The following SLC12A1 variants were observed in gnomAD, a reference collection of about 807,000 sequenced individuals.
SLC12A1 encodes the protein solute carrier family 12 member 1.
SLC12A1 carries 89 observed loss-of-function variants against 130.4 expected under a neutral mutation model. The ratio of observed to expected loss-of-function variants is 0.68; its 90% CI spans 0.58 to 0.81. SLC12A1 has a LOEUF of 0.81. Among genes scored for constraint, SLC12A1 ranks in the 40% least tolerant of loss-of-function variants. SLC12A1 has a pLI of 0.00. For synonymous variants in SLC12A1, 499 were observed against 460.0 expected (o/e 1.08, Z -1.09); for missense variants, 1,310 against 1,336.4 (o/e 0.98, Z 0.31).
chr15:48,269,460 T>C (rs552637319), intron 18 of SLC12A1, among the ~76,000 whole-genome samples, 198 bp from the exon 19 acceptor site: 2 of 152,320 alleles, frequency 1.3e-5, no homozygotes, highest in African/African-American at 2.4e-5. Flanking sequence ...TAAAATCCAT[T>C]TATAGCTGGG....
At chr15:48,287,535 C>G (rs2195024) in intron 21 of SLC12A1, among the ~76,000 whole-genome samples, 1 of 152,268 alleles carries the variant, frequency 6.6e-6, no homozygotes, top group East Asian at 1.9e-4. Flanking sequence ...TAAACCAGAC[C>G]TGAATGGAAC....
chr15:48,269,759 C>T lies in SLC12A1; in HGVS notation c.2397C>T (p.Ile799=). The change falls in exon 19 of 27, where the codon ATC becomes ATT. Residue 799 remains isoleucine, a synonymous_variant. Transcript: ENST00000380993. Reference sequence around the variant, plus strand: ...CAGAGATTGAGAACTACGTGGGAATCATACAGTAAGTGATGGCTTTCAAGA... The same window carrying T: ...CAGAGATTGAGAACTACGTGGGAATTATACAGTAAGTGATGGCTTTCAAGA... The part of the protein sequence containing the change: ...PLTEIENYVG[I]IHDAFDFEIG... 1 of 1,569,438 alleles carries T rather than the reference C, an allele frequency of 6.4e-7. No individual in the cohort carries two copies. Among genetic ancestry groups the T allele is most frequent in the Non-Finnish European group, 8.8e-7 (1 of 1,139,918 alleles).
chr15:48,260,096 C>G (rs1468652799), intron 17 of SLC12A1, among the ~76,000 whole-genome samples: 1 of 151,934 alleles, frequency 6.6e-6, no homozygotes, highest in Non-Finnish European at 1.5e-5. Context: ...AAAACCCTCT[C>G]TCTACTAAAA....
At position 48,302,780 on chromosome 15, in the gene SLC12A1, A is replaced by G; in HGVS notation, c.3195A>G (p.Ile1065Met). Residue 1065 changes from isoleucine to methionine, a missense_variant, in exon 27 of 27, where the codon ATA becomes ATG. Physicochemically the swap from Ile to Met is conservative, Grantham distance 10 (BLOSUM62 1). Transcript: ENST00000380993. ...LSLPVARKGS[I>M]SDLLYMAWLE... The stretch of plus-strand genomic sequence containing the variant: ...TTCCCGTGGCAAGAAAGGGATCCAT[A>G]TCGGATTTGTTGTATATGGCTTGGT... 1 of 1,612,550 alleles carries G rather than the reference A, an allele frequency of 6.2e-7. No individual in the cohort carries two copies. The highest frequency in any genetic ancestry group is 8.5e-7 in the Non-Finnish European group (1 of 1,179,206).
chr15:48,227,447 T>A (rs922093056), intron 5 of SLC12A1: 25 of 433,160 alleles, frequency 5.8e-5, no homozygotes, highest in African/African-American at 5.0e-4. Flanking sequence ...GCAAAATATA[T>A]GGTTTCTTTG....
In SLC12A1 at chr15:48,221,289, T is replaced by C. The variant is rs563359780; in HGVS notation, c.628+293T>C. 4.4e-5 allele frequency: 31 copies of C among 700,156 alleles called. 1 individual carries two copies. The highest frequency in any genetic ancestry group is 4.4e-4 in the South Asian group (29 of 66,612). The allele number at this position is 700,156 out of a possible 1,614,324, so 43.4% of individuals were successfully genotyped here. On this transcript the variant is annotated intron_variant, in intron 4 of 26. Transcript: ENST00000380993. ...ATAATAGCATGTTAATTTTAGATAA[T>C]AATATTTGTATTGGGGGACATATTG... is the stretch of plus-strand genomic sequence containing the variant.
At chr15:48,265,297 TATA>T (rs1392835749) in intron 17 of SLC12A1, among the ~76,000 whole-genome samples, 1 of 152,242 alleles carries the variant, frequency 6.6e-6, no homozygotes, top group African/African-American at 2.4e-5. Flanking sequence ...TCTGGATTTT[TATA>T]ATACTAACAG....
chr15:48,283,563 T>C lies in SLC12A1; in HGVS notation c.2486-1543T>C, dbSNP rs569927555. On this transcript the variant is annotated intron_variant, in intron 20 of 26. Transcript: ENST00000380993. ...ATGCCACTCGCAAAAGATTAATTGC[T>C]AAGACCTGGAAAGGGGCCAGACAAT... 1.7e-4 allele frequency among the ~76,000 whole-genome samples: 26 copies of C among 152,348 alleles called. 2 individuals carry two copies. In the South Asian group the frequency reaches 5.2e-3, roughly 30 times the overall value.
At chr15:48,293,431 C>G (rs1367979094) in intron 24 of SLC12A1, among the ~76,000 whole-genome samples, 1 of 152,096 alleles carries the variant, frequency 6.6e-6, no homozygotes, top group East Asian at 1.9e-4. Flanking sequence ...GTGGGGCCTC[C>G]AAGAGGAATC....
intron 4 of SLC12A1, chr15:48,222,480 AT>A (rs2041228579): frequency 6.6e-6 from 1 of 151,824 alleles, no homozygotes; most frequent in South Asian, 2.1e-4. Flanking sequence ...AATTAATATT[AT>A]TTTAATAAAG....
intron 5 of SLC12A1, chr15:48,227,093 A>G: frequency 1.3e-6 from 2 of 1,552,108 alleles, no homozygotes; most frequent in Non-Finnish European, 1.7e-6. Context: ...TGGAGTCATC[A>G]TCATTGGCCT....
chr15:48,254,749 G>A (rs1294487514), intron 15 of SLC12A1, among the ~76,000 whole-genome samples: 2 of 151,514 alleles, frequency 1.3e-5, no homozygotes, highest in African/African-American at 2.4e-5. Flanking sequence ...GTGAAACTCC[G>A]TCTCTACTTA....
intron 15 of SLC12A1, among the ~76,000 whole-genome samples, chr15:48,254,180 T>G (rs544064041): frequency 6.6e-6 from 1 of 151,274 alleles, no homozygotes; most frequent in South Asian, 2.1e-4. Flanking sequence ...GCTTACCATA[T>G]TGCATCTGAT....
chr15:48,220,960 AT>A lies in SLC12A1; in HGVS notation c.594del (p.Arg199AlafsTer17). The A allele has an allele frequency of 6.2e-7, 1 of 1,613,954 alleles. No individual in the cohort carries two copies. The highest frequency in any genetic ancestry group is 2.2e-5 in the East Asian group (1 of 44,886). ...MLNIWGVMLFIRLSWIVGEAG... is the reference protein window; with the variant it reads ...MLNIWGVMLFXRLSWIVGEAG... Reference sequence around the variant, plus strand: ...GAACATCTGGGGAGTCATGCTCTTCATTCGCCTCTCCTGGATTGTTGGAGAA... The same window carrying A: ...GAACATCTGGGGAGTCATGCTCTTCATCGCCTCTCCTGGATTGTTGGAGAA... On this transcript the variant is annotated frameshift_variant, in exon 4 of 27. Transcript: ENST00000380993. LOFTEE classifies it high-confidence loss of function.
chr15:48,251,600 A>T lies in SLC12A1; in HGVS notation c.1787-15A>T, dbSNP rs776943257. 6.2e-7 allele frequency: 1 copy of T among 1,608,228 alleles called. No individual in the cohort carries two copies. Among genetic ancestry groups the T allele is most frequent in the East Asian group, 2.2e-5 (1 of 44,836 alleles). ...AGTAGAGTGGAAGTTTTCCTTCTGCATATTTTGTTTTCAGGATGGAGACCT... is the reference window on the plus strand; with the variant it reads ...AGTAGAGTGGAAGTTTTCCTTCTGCTTATTTTGTTTTCAGGATGGAGACCT... On this transcript the variant is annotated splice_polypyrimidine_tract_variant and intron_variant, in intron 14 of 26. Transcript: ENST00000380993.
intron 9 of SLC12A1, among the ~76,000 whole-genome samples, chr15:48,235,550 A>G (rs2041430239): frequency 6.6e-6 from 1 of 152,164 alleles, no homozygotes; most frequent in African/African-American, 2.4e-5. Context: ...ACATGTCTAT[A>G]GTCCCAGACA....
intron 20 of SLC12A1, among the ~76,000 whole-genome samples, chr15:48,278,291 G>A (rs1044122322): frequency 2.6e-5 from 4 of 152,186 alleles, no homozygotes; most frequent in African/African-American, 9.7e-5. Flanking sequence ...CATCTATTAT[G>A]CTTCTTGTTC....
intron 9 of SLC12A1, among the ~76,000 whole-genome samples, chr15:48,236,599 G>T (rs1279385074): frequency 6.6e-6 from 1 of 152,178 alleles, no homozygotes; most frequent in African/African-American, 2.4e-5. Flanking sequence ...TATCCTCAAA[G>T]CTAGTAAGGC....
At chr15:48,281,100 A>G (rs2042004951) in intron 20 of SLC12A1, among the ~76,000 whole-genome samples, 1 of 152,316 alleles carries the variant, frequency 6.6e-6, no homozygotes, top group East Asian at 1.9e-4. Context: ...TTTGGAATAG[A>G]CAGACCTGGG....
Sources: gnomAD v4.1 joint callset for allele counts (sites outside exome capture counted in the v4.1 genomes callset) on GRCh38, gnomAD v4.1.1 for gene constraint, MANE v1.5 for transcripts, NCBI Gene and HGNC (gene_info 2026-07-23, HGNC 2026-07-21) for gene names.